Variants in DPF3 observed in about 807,000 individuals in gnomAD.
The protein encoded by DPF3 is double PHD fingers 3, also known as zinc finger protein DPF3.
In DPF3, 18 loss-of-function variants were observed where a neutral mutation model predicts 56.8. The observed-to-expected ratio is 0.32, with a 90% CI of 0.22 to 0.47. The LOEUF is 0.47. Ranked by LOEUF, DPF3 falls within the 20% of genes least tolerant of loss-of-function variation. DPF3 has a pLI of 1.00. For missense variants in DPF3, 403 were observed against 488.8 expected, an observed-to-expected ratio of 0.82 and a Z score of 1.65; for synonymous variants, 188 against 180.2, an observed-to-expected ratio of 1.04 and a Z score of -0.35.
At chr14:72,661,854 C>CTTTTTTTTTTTTTTTTTT (rs60114618) in intron 8 of DPF3, 3 of 925,866 alleles carry the variant, frequency 3.2e-6, no homozygotes, top group South Asian at 5.1e-5. Context: ...TTTATTTTTG[C>CTTTTTTTTTTTTTTTTTT]TTTTTTTTTT....
chr14:72,696,859 C>T (rs1164636742), intron 6 of DPF3, among the ~76,000 whole-genome samples: 2 of 152,224 alleles, frequency 1.3e-5, no homozygotes, highest in Admixed American at 1.3e-4. Context: ...GAATCAGAAA[C>T]TCTGGGGGTG....
intron 1 of DPF3, among the ~76,000 whole-genome samples, chr14:72,834,720 A>G (rs1884215052): frequency 6.6e-6 from 1 of 152,168 alleles, no homozygotes; most frequent in Non-Finnish European, 1.5e-5. Context: ...AATTGAAAGC[A>G]TATGTCCACG....
intron 1 of DPF3, among the ~76,000 whole-genome samples, chr14:72,845,508 G>A (rs994975169): frequency 6.6e-6 from 1 of 152,174 alleles, no homozygotes. Flanking sequence ...ACAGGCACAG[G>A]TGAGGCCCTA....
At chr14:72,683,092 C>T (rs536770617) in intron 7 of DPF3, among the ~76,000 whole-genome samples, 45 of 152,188 alleles carry the variant, frequency 3.0e-4, no homozygotes, top group African/African-American at 1.1e-3. Flanking sequence ...TTTGGGAGGC[C>T]AAGGCAGGTG....
At chr14:72,832,034 A>G (rs1884081160) in intron 1 of DPF3, among the ~76,000 whole-genome samples, 1 of 152,092 alleles carries the variant, frequency 6.6e-6, no homozygotes, top group Non-Finnish European at 1.5e-5. Context: ...CCTGGGCAAC[A>G]TAACAAGACC....
At chr14:72,727,360 G>A (rs1195542016) in intron 4 of DPF3, among the ~76,000 whole-genome samples, 5 of 152,236 alleles carry the variant, frequency 3.3e-5, no homozygotes, top group Admixed American at 1.3e-4. Context: ...GGCGGATCAC[G>A]AGGTTAGGAG....
chr14:72,679,230 G>A (rs906015520), intron 7 of DPF3: 2 of 152,254 alleles, frequency 1.3e-5, no homozygotes, highest in East Asian at 1.9e-4. Context: ...ATGACTGGCA[G>A]GGACAAACCA....
chr14:72,814,805 G>A (rs929742448), intron 1 of DPF3, among the ~76,000 whole-genome samples: 3 of 149,478 alleles, frequency 2.0e-5, no homozygotes, highest in Admixed American at 6.7e-5. Flanking sequence ...GCGAGACTCC[G>A]TCTCCAAAAA....
chr14:72,806,574 A>C (rs912250143), intron 1 of DPF3, among the ~76,000 whole-genome samples: 1 of 152,242 alleles, frequency 6.6e-6, no homozygotes, highest in Non-Finnish European at 1.5e-5. Context: ...TTTGCAAAAC[A>C]CTTTATATCG....
chr14:72,649,683 G>C (rs1256322264), intron 8 of DPF3, among the ~76,000 whole-genome samples: 1 of 149,000 alleles, frequency 6.7e-6, no homozygotes, highest in Non-Finnish European at 1.5e-5. Flanking sequence ...TAATGTATTA[G>C]TACTATTGCT....
At chr14:72,701,523 C>T (rs566373386) in intron 6 of DPF3, among the ~76,000 whole-genome samples, 1 of 152,200 alleles carries the variant, frequency 6.6e-6, no homozygotes, top group Non-Finnish European at 1.5e-5. Context: ...TCCTTCAAAC[C>T]TACCCCACTC....
chr14:72,823,938 G>A (rs1883670721), intron 1 of DPF3, among the ~76,000 whole-genome samples: 1 of 152,180 alleles, frequency 6.6e-6, no homozygotes. Flanking sequence ...CACTGGGGAA[G>A]AGTGGATGCA....
chr14:72,887,897 T>G (rs1371220809), intron 1 of DPF3, among the ~76,000 whole-genome samples: 1 of 152,054 alleles, frequency 6.6e-6, no homozygotes, highest in Non-Finnish European at 1.5e-5. Context: ...AGTGTGAGGA[T>G]GGGAAAAACT....
intron 1 of DPF3, 63 bp downstream of exon 1, chr14:72,893,994 G>A (rs913290106): frequency 5.0e-6 from 8 of 1,599,278 alleles, no homozygotes; most frequent in African/African-American, 1.4e-5. Context: ...TCGCCACGCA[G>A]AAGGCGCCTT....
At chr14:72,640,575 GA>G (rs767248523) in intron 8 of DPF3, among the ~76,000 whole-genome samples, 2 of 152,234 alleles carry the variant, frequency 1.3e-5, no homozygotes, top group Non-Finnish European at 2.9e-5. Context: ...AAACATTTGA[GA>G]GGTAGAATTG....
chr14:72,838,909 T>TA (rs1491369142), intron 1 of DPF3, among the ~76,000 whole-genome samples: 360 of 7,630 alleles, frequency 0.047, 30 homozygotes, highest in East Asian at 0.19. Flanking sequence ...ATATATATTC[T>TA]TTTTTTTTTT....
At chr14:72,636,655 A>G (rs1009316303) in intron 8 of DPF3, among the ~76,000 whole-genome samples, 1 of 152,238 alleles carries the variant, frequency 6.6e-6, no homozygotes, top group African/African-American at 2.4e-5. Context: ...ATAACTGGGC[A>G]CTGCTGCTTC....
chr14:72,723,643 G>C lies in DPF3; in HGVS notation c.515C>G (p.Thr172Ser), dbSNP rs776326485. Residue 172 changes from threonine to serine, a missense_variant, in exon 5 of 11, where the codon ACT (threonine) becomes AGT (serine). Physicochemically the swap from Thr to Ser is moderately conservative, Grantham distance 58 (BLOSUM62 1). Coordinates refer to ENST00000556509, the MANE Select transcript of DPF3 (RefSeq NM_001280542.3). Reference sequence around the variant, plus strand: ...TCATCCCCAACTTACCCGTCCTCTAGTCCTGTTCTTTCGCTTGGGAATATC... The same window carrying C: ...TCATCCCCAACTTACCCGTCCTCTACTCCTGTTCTTTCGCTTGGGAATATC... ...EEDIPKRKNRTRGRARGSAGG... is the reference protein window; with the variant it reads ...EEDIPKRKNRSRGRARGSAGG... 34 of 1,581,010 alleles carry C rather than the reference G, an allele frequency of 2.2e-5. No individual in the cohort carries two copies. The highest frequency in any genetic ancestry group is 2.8e-5 in the Non-Finnish European group (33 of 1,169,902).
At chr14:72,711,125 T>G (rs1040214443) in intron 6 of DPF3, among the ~76,000 whole-genome samples, 1 of 152,208 alleles carries the variant, frequency 6.6e-6, no homozygotes, top group African/African-American at 2.4e-5. Flanking sequence ...GAATATAGCT[T>G]ATTACCACTA....
Sources: gnomAD v4.1 joint callset for allele counts (sites outside exome capture counted in the v4.1 genomes callset) on GRCh38, gnomAD v4.1.1 for gene constraint, MANE v1.5 for transcripts, NCBI Gene and HGNC (gene_info 2026-07-23, HGNC 2026-07-21) for gene names.